Variants in B3GALT1 observed in about 807,000 individuals in gnomAD.
B3GALT1 encodes UDP-Gal:betaGlcNAc beta 1,3-galactosyltransferase, polypeptide 1.
A neutral mutation model predicts 23.2 loss-of-function variants in B3GALT1; 10 were observed. The observed-to-expected ratio is 0.43, with a 90% CI of 0.27 to 0.73. B3GALT1 has a LOEUF of 0.73. Ranked by LOEUF, B3GALT1 falls within the 30% of genes least tolerant of loss-of-function variation. The pLI is 0.21. For missense variants in B3GALT1, 299 were observed against 405.4 expected (o/e 0.74, Z 2.25); for synonymous variants, 156 against 141.5 (o/e 1.10, Z -0.73).
At chr2:167,455,872 T>G (rs1699162329) in intron 1 of B3GALT1, among the ~76,000 whole-genome samples, 1 of 152,082 alleles carries the variant, frequency 6.6e-6, no homozygotes, top group Non-Finnish European at 1.5e-5. Flanking sequence ...TAAATATACA[T>G]CGAATTGTAG....
chr2:167,766,129 G>A (rs77427603), intron 3 of B3GALT1, among the ~76,000 whole-genome samples: 2,691 of 152,250 alleles, frequency 0.018, 206 homozygotes, highest in Admixed American at 0.13. Flanking sequence ...ACTTGGTTTT[G>A]CATCCAAGGA....
intron 1 of B3GALT1, among the ~76,000 whole-genome samples, chr2:167,422,047 T>C (rs963216489): frequency 7.5e-6 from 1 of 132,656 alleles, no homozygotes; most frequent in African/African-American, 2.9e-5. Flanking sequence ...CTTATGAGGG[T>C]AGAGGAGGAG....
chr2:167,321,478 A>T (rs1696808941), intron 1 of B3GALT1, among the ~76,000 whole-genome samples: 1 of 151,990 alleles, frequency 6.6e-6, no homozygotes, highest in Non-Finnish European at 1.5e-5. Context: ...CACCATTCTC[A>T]GCTTATAACA....
At chr2:167,599,099 C>G (rs1684830533) in intron 2 of B3GALT1, among the ~76,000 whole-genome samples, 1 of 152,146 alleles carries the variant, frequency 6.6e-6, no homozygotes, top group African/African-American at 2.4e-5. Context: ...GAGCCAACAG[C>G]AAGTAGAATT....
At chr2:167,348,034 T>G (rs1697251951) in intron 1 of B3GALT1, among the ~76,000 whole-genome samples, 2 of 152,192 alleles carry the variant, frequency 1.3e-5, no homozygotes, top group Admixed American at 1.3e-4. Context: ...CTTGGGCATT[T>G]CTGAATCTTT....
At chr2:167,718,633 G>T (rs1158886926) in intron 3 of B3GALT1, among the ~76,000 whole-genome samples, 1 of 152,058 alleles carries the variant, frequency 6.6e-6, no homozygotes, top group African/African-American at 2.4e-5. Flanking sequence ...GTGACACAAG[G>T]CCTTCAAAAT....
intron 2 of B3GALT1, among the ~76,000 whole-genome samples, chr2:167,558,862 C>A (rs990484301): frequency 1.3e-5 from 2 of 152,226 alleles, no homozygotes; most frequent in Non-Finnish European, 2.9e-5. Flanking sequence ...CCTCTGTAGG[C>A]TCCACCTCTG....
At chr2:167,411,378 C>CAAAAAA (rs60719828) in intron 1 of B3GALT1, among the ~76,000 whole-genome samples, 1 of 136,552 alleles carries the variant, frequency 7.3e-6, no homozygotes, top group Non-Finnish European at 1.6e-5. Flanking sequence ...AACAAAAAAC[C>CAAAAAA]AAAAAAAAAA....
chr2:167,378,258 T>G (rs1163133734), intron 1 of B3GALT1, among the ~76,000 whole-genome samples: 1 of 152,208 alleles, frequency 6.6e-6, no homozygotes. Flanking sequence ...TTAATATTTT[T>G]TTCTTTAGCA....
At chr2:167,454,905 C>T (rs911114657) in intron 1 of B3GALT1, among the ~76,000 whole-genome samples, 1 of 152,098 alleles carries the variant, frequency 6.6e-6, no homozygotes, top group Admixed American at 6.6e-5. Flanking sequence ...CTCAGCCATC[C>T]CTGAGGATCC....
At chr2:167,409,082 A>T (rs1698354558) in intron 1 of B3GALT1, among the ~76,000 whole-genome samples, 1 of 152,232 alleles carries the variant, frequency 6.6e-6, no homozygotes, top group Non-Finnish European at 1.5e-5. Flanking sequence ...TTGAGCAAAA[A>T]GACTAAATCT....
intron 3 of B3GALT1, among the ~76,000 whole-genome samples, chr2:167,800,453 C>G (rs1199987425): frequency 6.6e-6 from 1 of 152,194 alleles, no homozygotes; most frequent in Non-Finnish European, 1.5e-5. Flanking sequence ...CTGTTCACAA[C>G]CTTCCCCTGA....
chr2:167,528,659 T>A (rs951604457), intron 2 of B3GALT1, among the ~76,000 whole-genome samples: 1 of 152,178 alleles, frequency 6.6e-6, no homozygotes, highest in Non-Finnish European at 1.5e-5. Context: ...TTACAGGAAA[T>A]AGAACTACAT....
At chr2:167,469,999 T>A (rs1259808764) in intron 1 of B3GALT1, among the ~76,000 whole-genome samples, 1 of 152,190 alleles carries the variant, frequency 6.6e-6, no homozygotes, top group Non-Finnish European at 1.5e-5. Context: ...TCGTAATTTT[T>A]TTTCTTGAAC....
intron 1 of B3GALT1, among the ~76,000 whole-genome samples, chr2:167,471,872 A>G (rs1019628616): frequency 6.6e-6 from 1 of 152,156 alleles, no homozygotes; most frequent in African/African-American, 2.4e-5. Flanking sequence ...TCAGTGGATA[A>G]TACAATGGCT....
At chr2:167,309,960 T>C (rs1438589700) in intron 1 of B3GALT1, among the ~76,000 whole-genome samples, 3 of 152,214 alleles carry the variant, frequency 2.0e-5, no homozygotes, top group Admixed American at 6.6e-5. Context: ...AACAGCAATG[T>C]CATGTACATA....
At chr2:167,464,962 A>AGG (rs1317484625) in intron 1 of B3GALT1, among the ~76,000 whole-genome samples, 1 of 152,222 alleles carries the variant, frequency 6.6e-6, no homozygotes, top group African/African-American at 2.4e-5. Context: ...TGTTCTGGAA[A>AGG]GGGAAGGTCT....
intron 2 of B3GALT1, among the ~76,000 whole-genome samples, chr2:167,534,844 A>C (rs958966842): frequency 6.6e-6 from 1 of 152,228 alleles, no homozygotes; most frequent in Admixed American, 6.5e-5. Flanking sequence ...GGACTGGCAA[A>C]TATGTGGGAG....
chr2:167,865,728 T>C (rs998806609), intron 4 of B3GALT1, among the ~76,000 whole-genome samples: 3 of 151,364 alleles, frequency 2.0e-5, no homozygotes, highest in Admixed American at 6.6e-5. Flanking sequence ...GGAGGCGGAG[T>C]TTGCAGTGAG....
Sources: gnomAD v4.1 joint callset for allele counts (sites outside exome capture counted in the v4.1 genomes callset) on GRCh38, gnomAD v4.1.1 for gene constraint, MANE v1.5 for transcripts, NCBI Gene and HGNC (gene_info 2026-07-23, HGNC 2026-07-21) for gene names.